Variants in EXOC4 observed in about 807,000 individuals in gnomAD.
EXOC4 encodes the protein SEC8-like 1.
A neutral mutation model predicts 107.2 loss-of-function variants in EXOC4; 71 were observed. The ratio of observed to expected loss-of-function variants is 0.66; its 90% CI spans 0.55 to 0.81. EXOC4 has a LOEUF of 0.81. Among genes scored for constraint, EXOC4 ranks in the 30% least tolerant of loss-of-function variants. EXOC4 has a pLI of 0.00. For missense variants in EXOC4, 1,108 were observed against 1,189.6 expected (o/e 0.93, Z 1.01); for synonymous variants, 456 against 441.2 (o/e 1.03, Z -0.42).
intron 7 of EXOC4, among the ~76,000 whole-genome samples, chr7:133,436,106 G>A (rs1416286717): frequency 1.3e-5 from 2 of 149,286 alleles, no homozygotes; most frequent in African/African-American, 4.9e-5. Context: ...TTCATTTCAA[G>A]AAATTGGTGA....
intron 14 of EXOC4, among the ~76,000 whole-genome samples, chr7:133,955,416 G>A (rs548516213): frequency 1.6e-4 from 24 of 152,166 alleles, no homozygotes; most frequent in Non-Finnish European, 5.9e-5. Flanking sequence ...CCCTGGAGTG[G>A]GTAGCTCCTC....
At chr7:133,722,970 T>G (rs1322481547) in intron 10 of EXOC4, among the ~76,000 whole-genome samples, 3 of 152,256 alleles carry the variant, frequency 2.0e-5, no homozygotes, top group Non-Finnish European at 4.4e-5. Context: ...CATACAGATT[T>G]GCTTTTATAT....
chr7:133,894,803 C>T lies in EXOC4; in HGVS notation c.1735-796C>T, dbSNP rs1294380116. ...CTGCCCGTTCTCAGATCTCCAGCTG[C>T]GTGCTGGGAGAACCACTGCTCTCTT... On this transcript the variant is annotated intron_variant, in intron 11 of 17. Transcript: ENST00000253861. 4.8e-5 allele frequency among the ~76,000 whole-genome samples: 4 copies of T among 83,794 alleles called. 2 individuals are homozygous for T. The highest frequency in any genetic ancestry group is 8.4e-5 in the Non-Finnish European group (4 of 47,436). The allele number at this position is 83,794 out of a possible 152,430, so 55.0% of individuals were successfully genotyped here. A position where few individuals can be genotyped will look rare whatever the true frequency, so the allele number is the denominator to read the frequency against.
At chr7:133,985,161 AG>A (rs1201035385) in intron 14 of EXOC4, among the ~76,000 whole-genome samples, 2 of 152,212 alleles carry the variant, frequency 1.3e-5, no homozygotes, top group African/African-American at 4.8e-5. Context: ...AACACTAAAA[AG>A]TTATATTGTC....
intron 10 of EXOC4, among the ~76,000 whole-genome samples, chr7:133,721,071 A>G (rs1795095958): frequency 6.6e-6 from 1 of 152,158 alleles, no homozygotes; most frequent in Non-Finnish European, 1.5e-5. Context: ...AAAATAGAGA[A>G]CTTGAAATTC....
intron 7 of EXOC4, among the ~76,000 whole-genome samples, chr7:133,401,044 C>T (rs1212416055): frequency 6.6e-6 from 1 of 152,146 alleles, no homozygotes; most frequent in Admixed American, 6.5e-5. Flanking sequence ...AAATGTCCTT[C>T]TAGTTCTCTT....
intron 17 of EXOC4, among the ~76,000 whole-genome samples, chr7:134,048,636 AG>A (rs1422241465): frequency 2.4e-4 from 36 of 152,276 alleles, no homozygotes; most frequent in Non-Finnish European, 4.4e-5. Context: ...TCTCACTGCT[AG>A]CCTTCTCTTT....
At chr7:134,013,869 T>TA (rs772940062) in intron 17 of EXOC4, among the ~76,000 whole-genome samples, 40 of 150,698 alleles carry the variant, frequency 2.7e-4, no homozygotes, top group South Asian at 2.1e-4. Context: ...GCTGTAACAA[T>TA]AAAAAAAAAG....
chr7:133,991,089 T>C (rs1794245545), intron 14 of EXOC4, among the ~76,000 whole-genome samples: 1 of 152,200 alleles, frequency 6.6e-6, no homozygotes. Flanking sequence ...CCAGCATTTG[T>C]CTTTTTTATA....
At chr7:133,656,384 TA>T (rs1803296518) in intron 10 of EXOC4, among the ~76,000 whole-genome samples, 1 of 152,030 alleles carries the variant, frequency 6.6e-6, no homozygotes, top group South Asian at 2.1e-4. Context: ...AGTATGTATG[TA>T]TGTATGTATA....
At position 133,629,959 on chromosome 7, in the gene EXOC4, G is replaced by A. The variant is rs898603208; in HGVS notation, c.1418-86G>A. ...TGCAAAGATGGTCCTAATTATGACAGTATAGGACTCATCTAGATATGCTTG... is the reference window on the plus strand; with the variant it reads ...TGCAAAGATGGTCCTAATTATGACAATATAGGACTCATCTAGATATGCTTG... On this transcript the variant is annotated intron_variant, in intron 9 of 17. Transcript: ENST00000253861. The A allele has an allele frequency of 5.5e-6, 5 of 908,404 alleles. No homozygotes were observed. The African/African-American group carries it at 6.5e-5, about 12-fold the overall frequency. 56.3% of individuals were successfully genotyped at this position (908,404 alleles called of 1,614,324 possible). A position where few individuals can be genotyped will look rare whatever the true frequency, so the allele number is the denominator to read the frequency against.
intron 16 of EXOC4, among the ~76,000 whole-genome samples, chr7:134,005,517 G>C (rs1794625719): frequency 6.6e-6 from 1 of 152,198 alleles, no homozygotes; most frequent in African/African-American, 2.4e-5. Flanking sequence ...CATCTGGAAA[G>C]AACAGAAGCC....
chr7:133,561,799 G>T (rs2150951262), intron 9 of EXOC4, among the ~76,000 whole-genome samples: 1 of 152,312 alleles, frequency 6.6e-6, no homozygotes, highest in African/African-American at 2.4e-5. Context: ...GAGTGAGTGT[G>T]GGTGCGTGCG....
chr7:133,900,141 C>G (rs1429491511), intron 12 of EXOC4, among the ~76,000 whole-genome samples: 1 of 152,052 alleles, frequency 6.6e-6, no homozygotes, highest in African/African-American at 2.4e-5. Context: ...TGAGCATTTA[C>G]CAAGATGCTG....
chr7:133,869,664 C>T (rs1798711531), intron 11 of EXOC4, among the ~76,000 whole-genome samples: 1 of 152,158 alleles, frequency 6.6e-6, no homozygotes, highest in South Asian at 2.1e-4. Context: ...ACCACATCAA[C>T]TATGGCAGGA....
intron 7 of EXOC4, among the ~76,000 whole-genome samples, chr7:133,401,675 A>T (rs1312886784): frequency 6.6e-6 from 1 of 151,142 alleles, no homozygotes; most frequent in Non-Finnish European, 1.5e-5. Context: ...GAAAAAAAAG[A>T]TAAATCATCA....
chr7:134,091,267 A>G, the EXOC4 span, among the ~76,000 whole-genome samples: 6 of 152,134 alleles, frequency 3.9e-5, no homozygotes, highest in Non-Finnish European at 5.9e-5. Context: ...TTTTATGGTT[A>G]TTTCTTGATG....
chr7:134,046,884 G>A (rs1292859038), intron 17 of EXOC4, among the ~76,000 whole-genome samples: 1 of 152,126 alleles, frequency 6.6e-6, no homozygotes, highest in Admixed American at 6.5e-5. Context: ...ATTAACCCCC[G>A]TCAGGGACAA....
In EXOC4 at chr7:133,495,708, AATTC is replaced by A. The variant is rs368288968; in HGVS notation, c.1417+15580_1417+15583del. ...GTATTTTATTCTATGACTATAGGAC[AATTC>A]ATTCATTCACCTTTTAATGGACTTT... On this transcript the variant is annotated intron_variant, in intron 9 of 17. Coordinates refer to ENST00000253861, the MANE Select transcript of EXOC4 (RefSeq NM_021807.4). 4.4e-4 allele frequency among the ~76,000 whole-genome samples: 67 copies of A among 152,272 alleles called. No individual in the cohort carries two copies. In the East Asian group the frequency reaches 9.6e-3, roughly 22 times the overall value.
Sources: gnomAD v4.1 joint callset for allele counts (sites outside exome capture counted in the v4.1 genomes callset) on GRCh38, gnomAD v4.1.1 for gene constraint, MANE v1.5 for transcripts, NCBI Gene and HGNC (gene_info 2026-07-23, HGNC 2026-07-21) for gene names.